Variants in DUSP15 observed in about 807,000 individuals in gnomAD.
DUSP15 encodes dual specificity phosphatase 15.
In DUSP15, 23 loss-of-function variants were observed where a neutral mutation model predicts 26.3. The observed-to-expected ratio is 0.87, with a 90% CI of 0.63 to 1.24. The LOEUF (loss-of-function observed/expected upper bound fraction) is 1.24, where lower values mean the gene tolerates loss of function less well. Ranked by LOEUF, DUSP15 falls within the 50% of genes most tolerant of loss-of-function variation. The pLI, the probability that DUSP15 is intolerant of heterozygous loss-of-function variation, is 0.00. For synonymous variants in DUSP15, 143 were observed against 135.5 expected, an observed-to-expected ratio of 1.06 and a Z score of -0.39; for missense variants, 364 against 320.6, an observed-to-expected ratio of 1.14 and a Z score of -1.03.
At chr20:31,855,643 CA>C (rs2062548606) in intron 6 of DUSP15, among the ~76,000 whole-genome samples, 1 of 152,198 alleles carries the variant, frequency 6.6e-6, no homozygotes, top group African/African-American at 2.4e-5. Flanking sequence ...CTCTGAACAA[CA>C]ATGCTGTTGT....
At chr20:31,854,478 A>G (rs2062528091) in intron 6 of DUSP15, among the ~76,000 whole-genome samples, 1 of 152,214 alleles carries the variant, frequency 6.6e-6, no homozygotes, top group African/African-American at 2.4e-5. Context: ...TGACGTGGGC[A>G]CAGGGCAGAG....
At chr20:31,848,231 G>A in exon 10 of DUSP15, 2 of 588,800 alleles carry the variant, frequency 3.4e-6, no homozygotes, top group Non-Finnish European at 5.6e-6. Context: ...CAGCTGGGGG[G>A]CGGTGTGGCC....
chr20:31,861,183 T>A lies in DUSP15; in HGVS notation c.*220A>T. 4 of 1,307,374 alleles carry A rather than the reference T, an allele frequency of 3.1e-6. No homozygotes were observed. The highest frequency in any genetic ancestry group is 3.9e-6 in the Non-Finnish European group (4 of 1,030,970). 81.0% of individuals were successfully genotyped at this position (1,307,374 alleles called of 1,614,324 possible). A position where few individuals can be genotyped will look rare whatever the true frequency, so the allele number is the denominator to read the frequency against. The stretch of plus-strand genomic sequence containing the variant: ...GGGCCCCCTCCCCCAGCCCAAGGAC[T>A]AAGGCACCAGGTGGCTGCAGCAGGC... On this transcript the variant is annotated 3_prime_UTR_variant, in exon 7 of 7. Coordinates refer to ENST00000339738, the MANE Select transcript of DUSP15 (RefSeq NM_080611.5).
rs143862508 is a variant in DUSP15 at position 31,851,838 on chromosome 20, G to A, written c.427-1162C>T. Among the ~76,000 whole-genome samples, 24 of 152,208 alleles carry A rather than the reference G, an allele frequency of 1.6e-4. No homozygotes were observed. In the East Asian group the frequency reaches 4.4e-3, roughly 28 times the overall value. On this transcript the variant is annotated intron_variant, in intron 6 of 9. Transcript: ENST00000278979. ...AAAGGGCATGCCTACCTCTTCAGGG[G>A]GCGCCCAGGCCCTGGTAACTGCATC...
At chr20:31,870,600 C>A, upstream of DUSP15, 1 of 1,387,398 alleles carries the variant, frequency 7.2e-7, no homozygotes, top group African/African-American at 1.5e-5. This position sits in a 1 kb window ranked among gnomAD's most constrained non-coding sequence, Gnocchi z 6.6. Context: ...GGGGCCCCCG[C>A]CTCGGGTCGC....
intron 9 of DUSP15, chr20:31,848,569 CG>C: frequency 6.4e-7 from 1 of 1,564,806 alleles, no homozygotes. Flanking sequence ...CCTGCACCTG[CG>C]GGGGCGGGTG....
At chr20:31,857,663 C>T (rs1336274439), downstream of DUSP15, among the ~76,000 whole-genome samples, 2 of 152,222 alleles carry the variant, frequency 1.3e-5, no homozygotes, top group South Asian at 4.1e-4. Context: ...ATTCAGTTCC[C>T]TTTGCCTGCA....
chr20:31,865,914 A>G (rs994530612), intron 3 of DUSP15, among the ~76,000 whole-genome samples: 2 of 152,178 alleles, frequency 1.3e-5, no homozygotes, highest in Non-Finnish European at 2.9e-5. Context: ...GTAGGCTGTC[A>G]TTTCATTAGT....
chr20:31,870,281 G>A lies in DUSP15; in HGVS notation c.21+36C>T. On this transcript the variant is annotated intron_variant, in intron 1 of 6. Transcript: ENST00000339738. This position sits in a 1 kb window ranked among gnomAD's most constrained non-coding sequence, Gnocchi z 6.6. ...AGCGCCGGGCCGCGGCGGCCGGGGC[G>A]GGGACCGGGGAGGCTGCGCGGGGCC... The A allele has an allele frequency of 8.1e-7, 1 of 1,227,724 alleles. No homozygotes were observed. Among genetic ancestry groups the A allele is most frequent in the Non-Finnish European group, 1.0e-6 (1 of 985,160 alleles). The allele number at this position is 1,227,724 out of a possible 1,614,324, so 76.1% of individuals were successfully genotyped here. A position where few individuals can be genotyped will look rare whatever the true frequency, so the allele number is the denominator to read the frequency against.
exon 8 of DUSP15, chr20:31,849,747 C>G: frequency 1.3e-6 from 2 of 1,540,336 alleles, no homozygotes; most frequent in Non-Finnish European, 1.7e-6. Flanking sequence ...CCTGCTGCAA[C>G]GTGAGGTGGC....
At chr20:31,864,136 T>C in intron 4 of DUSP15, 155 bp from the exon 5 acceptor site, 1 of 1,445,540 alleles carries the variant, frequency 6.9e-7, no homozygotes, top group Non-Finnish European at 9.1e-7. Flanking sequence ...GTACTTAGTA[T>C]GAGCTGGAGG....
chr20:31,862,765 A>G (rs1390002796), intron 5 of DUSP15, 23 bp from the exon 6 acceptor site: 1 of 1,574,176 alleles, frequency 6.4e-7, no homozygotes, highest in East Asian at 2.3e-5. Flanking sequence ...ACAACCCCTC[A>G]GGCTTCAAGT....
intron 8 of DUSP15, chr20:31,849,553 G>T: frequency 4.0e-6 from 4 of 996,804 alleles, no homozygotes; most frequent in Non-Finnish European, 4.8e-6. Flanking sequence ...GGAGGAAGCC[G>T]CGTGTGTTCA....
intron 3 of DUSP15, among the ~76,000 whole-genome samples, chr20:31,865,555 C>T (rs776236817): frequency 6.6e-6 from 1 of 152,022 alleles, no homozygotes; most frequent in Non-Finnish European, 1.5e-5. Flanking sequence ...TTATTTTTGC[C>T]CGCCTCCTGA....
rs761499083 is a variant in DUSP15, at chr20:31,861,592, C to T, written c.519G>A (p.Lys173=). 7 of 1,493,430 alleles carry T rather than the reference C, an allele frequency of 4.7e-6. No homozygotes were observed. The highest frequency in any genetic ancestry group is 1.3e-5 in the South Asian group (1 of 79,826). The allele number at this position is 1,493,430 out of a possible 1,614,324, so 92.5% of individuals were successfully genotyped here. The change falls in exon 7 of 7, where the codon AAG becomes AAA. Residue 173 remains lysine (K), a synonymous_variant. Coordinates refer to ENST00000339738, the MANE Select transcript of DUSP15 (RefSeq NM_080611.5). ...EELRALLPLC[K]RCRQGSATSA... is the part of the protein sequence containing the mutation. Reference sequence around the variant, plus strand: ...AGGTCGCGGAGCCCTGCCGGCAGCGCTTGCACAGCGGCAGCAGCGCGCGCA... The same window carrying T: ...AGGTCGCGGAGCCCTGCCGGCAGCGTTTGCACAGCGGCAGCAGCGCGCGCA...
intron 8 of DUSP15, chr20:31,849,644 C>T (rs1381778566): frequency 2.0e-6 from 3 of 1,519,100 alleles, no homozygotes; most frequent in Non-Finnish European, 2.6e-6. Context: ...GTGAACACGC[C>T]CTCCGGAGCC....
At chr20:31,860,262 G>A (rs1361642654), downstream of DUSP15, among the ~76,000 whole-genome samples, 2 of 152,200 alleles carry the variant, frequency 1.3e-5, no homozygotes, top group African/African-American at 2.4e-5. Flanking sequence ...TGCTGGAATC[G>A]GTGCCTCCCC....
At chr20:31,862,337 T>C (rs113050530) in intron 6 of DUSP15, among the ~76,000 whole-genome samples, 3 of 152,052 alleles carry the variant, frequency 2.0e-5, no homozygotes, top group African/African-American at 7.2e-5. Flanking sequence ...CCTGGTCAAA[T>C]GGAAGGGCCC....
chr20:31,868,780 C>T (rs2062834574), intron 2 of DUSP15, among the ~76,000 whole-genome samples: 1 of 152,178 alleles, frequency 6.6e-6, no homozygotes, highest in African/African-American at 2.4e-5. Context: ...GCGCCCAGCC[C>T]CCTTAGCATG....
Sources: allele counts gnomAD v4.1 joint callset (sites outside exome capture counted in the v4.1 genomes callset), GRCh38; gene constraint gnomAD v4.1.1; non-coding constraint Gnocchi (gnomAD v3.1); transcripts MANE v1.5; gene names NCBI Gene and HGNC (gene_info 2026-07-23, HGNC 2026-07-21).